The following PDZK1 variants were observed in gnomAD, a reference collection of about 807,000 sequenced individuals.
PDZK1 encodes Na(+)/H(+) exchange regulatory cofactor NHE-RF3.
A neutral mutation model predicts 38.1 loss-of-function variants in PDZK1; 23 were observed. The ratio of observed to expected loss-of-function variants is 0.60; its 90% CI spans 0.43 to 0.85. PDZK1 has a LOEUF of 0.85. Among genes scored for constraint, PDZK1 ranks in the 40% least tolerant of loss-of-function variants. PDZK1 has a pLI of 0.00. For missense variants in PDZK1, 297 were observed against 504.3 expected, an observed-to-expected ratio of 0.59 and a Z score of 3.94; for synonymous variants, 98 against 186.2, an observed-to-expected ratio of 0.53 and a Z score of 3.86.
At chr1:145,688,374 C>CA (rs1654977431) in intron 1 of PDZK1, among the ~76,000 whole-genome samples, 1 of 152,206 alleles carries the variant, frequency 6.6e-6, no homozygotes, top group African/African-American at 2.4e-5. Context: ...AGCCCACTCT[C>CA]ATTCAAACAT....
At chr1:145,703,805 G>A (rs782207784) in intron 1 of PDZK1, among the ~76,000 whole-genome samples, 6 of 151,932 alleles carry the variant, frequency 3.9e-5, no homozygotes, top group East Asian at 1.9e-4. Context: ...GATCCATGTC[G>A]TGTGTCCCCA....
intron 1 of PDZK1, among the ~76,000 whole-genome samples, chr1:145,700,772 C>G (rs1438585950): frequency 6.6e-6 from 1 of 152,156 alleles, no homozygotes; most frequent in Non-Finnish European, 1.5e-5. Context: ...GTCATCTACA[C>G]CTGAACCCAC....
intron 1 of PDZK1, among the ~76,000 whole-genome samples, chr1:145,693,951 C>A (rs1553703766): frequency 6.6e-6 from 1 of 152,092 alleles, no homozygotes; most frequent in Non-Finnish European, 1.5e-5. Context: ...TTAGGAGAAG[C>A]CCTTGGTCAC....
At chr1:145,676,741 A>G (rs1553699349) in intron 6 of PDZK1, among the ~76,000 whole-genome samples, 1 of 151,292 alleles carries the variant, frequency 6.6e-6, no homozygotes, top group East Asian at 1.9e-4. Flanking sequence ...AAAAAAAAAA[A>G]GTGTGCTCCT....
At chr1:145,695,718 C>G (rs1655590473) in intron 1 of PDZK1, among the ~76,000 whole-genome samples, 1 of 152,134 alleles carries the variant, frequency 6.6e-6, no homozygotes, top group Admixed American at 6.5e-5. Flanking sequence ...CAAAGACACA[C>G]TGCAGAGAGG....
intron 1 of PDZK1, among the ~76,000 whole-genome samples, chr1:145,689,993 A>G (rs587730606): frequency 6.6e-6 from 1 of 152,352 alleles, no homozygotes; most frequent in East Asian, 1.9e-4. Flanking sequence ...CGAAGAAAGA[A>G]GCAAACAAAT....
At chr1:145,689,297 T>G (rs587605325) in intron 1 of PDZK1, among the ~76,000 whole-genome samples, 1 of 152,310 alleles carries the variant, frequency 6.6e-6, no homozygotes, top group South Asian at 2.1e-4. Context: ...CAGGCTGGTC[T>G]CAAACTCCTG....
At chr1:145,676,845 C>G (rs1653732281) in intron 6 of PDZK1, among the ~76,000 whole-genome samples, 1 of 152,032 alleles carries the variant, frequency 6.6e-6, no homozygotes, top group African/African-American at 2.4e-5. Context: ...TCCAAAACCT[C>G]TTCCCTGGTT....
chr1:145,706,722 A>G (rs1319755507), intron 1 of PDZK1, among the ~76,000 whole-genome samples: 1 of 152,114 alleles, frequency 6.6e-6, no homozygotes, highest in Non-Finnish European at 1.5e-5. Context: ...CAATTCACAC[A>G]AGGCCTGGAG....
intron 1 of PDZK1, among the ~76,000 whole-genome samples, chr1:145,689,165 C>G (rs1655042534): frequency 1.3e-5 from 2 of 152,208 alleles, no homozygotes; most frequent in Non-Finnish European, 2.9e-5. Flanking sequence ...CTCACTGCAG[C>G]CTCGAATTCC....
chr1:145,693,602 G>C (rs1190347837), intron 1 of PDZK1, among the ~76,000 whole-genome samples: 2 of 151,918 alleles, frequency 1.3e-5, no homozygotes, highest in Non-Finnish European at 2.9e-5. Flanking sequence ...GTGAAACCCC[G>C]TCTCTACTAA....
At chr1:145,692,707 CAAAAA>C (rs879949674) in intron 1 of PDZK1, among the ~76,000 whole-genome samples, 1 of 102,588 alleles carries the variant, frequency 9.7e-6, no homozygotes. Flanking sequence ...GATTCCGTCT[CAAAAA>C]AAAAAAAAAG....
At chr1:145,702,378 C>T (rs1376497722) in intron 1 of PDZK1, among the ~76,000 whole-genome samples, 1 of 152,092 alleles carries the variant, frequency 6.6e-6, no homozygotes, top group Non-Finnish European at 1.5e-5. Flanking sequence ...AGAGAGAGGA[C>T]ACCCTCATGC....
intron 1 of PDZK1, among the ~76,000 whole-genome samples, chr1:145,706,107 A>G (rs1208760301): frequency 6.6e-6 from 1 of 152,216 alleles, no homozygotes; most frequent in Non-Finnish European, 1.5e-5. Context: ...AAAAGATGAC[A>G]GACCTTCACT....
Position 145,675,791 on chromosome 1 carries a change from C to T in PDZK1, c.991-1910G>A, listed in dbSNP as rs370934466. ...CAGCACTTTGGGAGTACAAGGTGGG[C>T]GGATCACTTGAGGTCAGGAGTTCGA... On this transcript the variant is annotated intron_variant, in intron 6 of 8. Transcript: ENST00000417171. 3.8e-3 allele frequency among the ~76,000 whole-genome samples: 581 copies of T among 151,688 alleles called. 29 individuals carry two copies. The East Asian group carries it at 0.095, about 25-fold the overall frequency.
Position 145,688,065 on chromosome 1 carries a change from A to T in PDZK1, c.-2-42T>A, listed in dbSNP as rs41315705. The T allele has an allele frequency of 3.7e-4, 571 of 1,523,964 alleles. 2 individuals carry two copies. The highest frequency in any genetic ancestry group is 5.2e-4 in the Middle Eastern group (3 of 5,806). 94.4% of individuals were successfully genotyped at this position (1,523,964 alleles called of 1,614,324 possible). A position where few individuals can be genotyped will look rare whatever the true frequency, so the allele number is the denominator to read the frequency against. ...AAATTAATAAAACCATGGAAAAGAG[A>T]ATCTAATTGGAGTGAGAACCCCATC... is the stretch of plus-strand genomic sequence containing the variant. On this transcript the variant is annotated intron_variant, in intron 1 of 8. Transcript: ENST00000417171.
At chr1:145,673,082 C>G in intron 7 of PDZK1, 62 bp from the exon 8 acceptor site, 2 of 1,457,406 alleles carry the variant, frequency 1.4e-6, no homozygotes, top group East Asian at 2.3e-5. Flanking sequence ...GACTAGCTCT[C>G]CTTAAGAGAA....
rs1654793068 is a variant in PDZK1, at chr1:145,686,562, T to C, written c.375A>G (p.Gly125=). 2 of 1,611,254 alleles carry C rather than the reference T, an allele frequency of 1.2e-6. No homozygotes were observed. Among genetic ancestry groups the C allele is most frequent in the South Asian group, 2.2e-5 (2 of 90,946 alleles). The part of the protein sequence containing the change: ...SDNILSPVMN[G]GVQTWTQPRL... ...GGGGCTGGGTCCAAGTTTGCACACC[T>C]CCATTCATCACAGGGGAAAGTATAT... Residue 125 remains glycine (G), a synonymous_variant, in exon 3 of 9, where the codon GGA becomes GGG. Coordinates refer to ENST00000417171, the MANE Select transcript of PDZK1 (RefSeq NM_001201325.2).
intron 1 of PDZK1, among the ~76,000 whole-genome samples, chr1:145,697,009 C>T (rs1553704238): frequency 6.6e-6 from 1 of 152,060 alleles, no homozygotes; most frequent in East Asian, 1.9e-4. Context: ...CTTTGCAATA[C>T]CTGTATCTAA....
Sources: gnomAD v4.1 joint callset for allele counts (sites outside exome capture counted in the v4.1 genomes callset) on GRCh38, gnomAD v4.1.1 for gene constraint, MANE v1.5 for transcripts, NCBI Gene and HGNC (gene_info 2026-07-23, HGNC 2026-07-21) for gene names.